Variants in GPHN observed in about 807,000 individuals in gnomAD.
GPHN encodes gephyrin.
A neutral mutation model predicts 95.5 loss-of-function variants in GPHN; 17 were observed. The ratio of observed to expected loss-of-function variants is 0.18; its 90% CI spans 0.12 to 0.27. GPHN has a LOEUF of 0.27. Ranked by LOEUF, GPHN falls within the 10% of genes least tolerant of loss-of-function variation. The pLI, the probability that GPHN is intolerant of heterozygous loss-of-function variation, is 1.00. For missense variants in GPHN, 660 were observed against 978.1 expected (o/e 0.67, Z 4.34); for synonymous variants, 320 against 322.5 (o/e 0.99, Z 0.08).
chr14:66,531,446 A>G (rs1242157320), intron 1 of GPHN, among the ~76,000 whole-genome samples: 2 of 152,156 alleles, frequency 1.3e-5, no homozygotes, highest in African/African-American at 2.4e-5. Flanking sequence ...AAAACAAACA[A>G]ACAAAAAAAT....
chr14:67,513,608 C>T, the GPHN span, among the ~76,000 whole-genome samples: 4 of 152,184 alleles, frequency 2.6e-5, no homozygotes, highest in Admixed American at 1.3e-4. Flanking sequence ...TCAGCACACC[C>T]CTGAGCAAAG....
At chr14:66,851,726 A>AT (rs111666257) in intron 4 of GPHN, among the ~76,000 whole-genome samples, 11 of 151,716 alleles carry the variant, frequency 7.3e-5, no homozygotes, top group African/African-American at 2.2e-4. Flanking sequence ...AGGCATTTGG[A>AT]TTTTTTTTTC....
intron 13 of GPHN, among the ~76,000 whole-genome samples, chr14:67,108,609 T>C (rs374747151): frequency 1.3e-5 from 2 of 152,116 alleles, no homozygotes; most frequent in East Asian, 3.9e-4. Context: ...AGTAATAATA[T>C]TATGGAGAGA....
intron 2 of GPHN, among the ~76,000 whole-genome samples, chr14:66,761,862 G>A (rs534600531): frequency 4.6e-5 from 7 of 152,002 alleles, no homozygotes; most frequent in East Asian, 3.9e-4. Context: ...GGGTTTCACC[G>A]TGTTAGCCAG....
the GPHN span, chr14:67,383,529 A>C: frequency 1.3e-6 from 2 of 1,546,262 alleles, no homozygotes; most frequent in Non-Finnish European, 1.8e-6. Flanking sequence ...CAGTATTGAA[A>C]ACTTCAAAGC....
At chr14:66,696,514 G>T (rs1019648439) in intron 2 of GPHN, among the ~76,000 whole-genome samples, 1 of 152,146 alleles carries the variant, frequency 6.6e-6, no homozygotes, top group South Asian at 2.1e-4. Context: ...TAGAAATATC[G>T]AAAGACACTG....
chr14:67,329,528 G>A, the GPHN span, among the ~76,000 whole-genome samples: 1 of 152,154 alleles, frequency 6.6e-6, no homozygotes, highest in African/African-American at 2.4e-5. Context: ...AATAGGAGTG[G>A]TGAGAGAGGG....
the GPHN span, chr14:67,645,616 C>T: frequency 1.7e-5 from 27 of 1,603,954 alleles, no homozygotes; most frequent in African/African-American, 3.2e-4. Context: ...AGCAGAGGGC[C>T]TTCAAGATTA....
intron 11 of GPHN, among the ~76,000 whole-genome samples, chr14:67,083,136 C>G (rs1355247112): frequency 2.6e-5 from 4 of 152,132 alleles, no homozygotes; most frequent in African/African-American, 9.7e-5. Flanking sequence ...GCAATTCTTT[C>G]AAAAGCTTGA....
At chr14:66,835,142 CTCTTTTTT>C (rs1170470429) in intron 4 of GPHN, among the ~76,000 whole-genome samples, 1 of 151,222 alleles carries the variant, frequency 6.6e-6, no homozygotes, top group African/African-American at 2.4e-5. Context: ...TGATTCTTCT[CTCTTTTTT>C]TCTTTATTAG....
chr14:67,070,715 A>AATAT lies in GPHN; in HGVS notation c.1144+11940_1144+11943dup, dbSNP rs1555482658. Reference sequence around the variant, plus strand: ...ATCTCAAAAAAAAAAAAAAAAAAAAAATATATATATATATCCAATCAGCAT... The same window carrying AATAT: ...ATCTCAAAAAAAAAAAAAAAAAAAAAATATATATATATATATATCCAATCAGCAT... On this transcript the variant is annotated intron_variant, in intron 11 of 22. Transcript: ENST00000478722. Among the ~76,000 whole-genome samples, 296 of 80,654 alleles carry AATAT rather than the reference A, an allele frequency of 3.7e-3. 11 individuals carry two copies. Among genetic ancestry groups the AATAT allele is most frequent in the Non-Finnish European group, 4.2e-3 (223 of 53,524 alleles). 52.9% of individuals were successfully genotyped at this position (80,654 alleles called of 152,430 possible).
the GPHN span, chr14:67,691,290 A>T: frequency 7.3e-7 from 1 of 1,363,606 alleles, no homozygotes; most frequent in Non-Finnish European, 1.0e-6. Flanking sequence ...AGCCAAGGCT[A>T]TTACATCTTA....
the GPHN span, among the ~76,000 whole-genome samples, chr14:67,661,140 C>T: frequency 1.1e-3 from 162 of 152,088 alleles, no homozygotes; most frequent in African/African-American, 3.6e-3. Context: ...CATCTGCTCT[C>T]GGGTAGCAAA....
intron 3 of GPHN, among the ~76,000 whole-genome samples, chr14:66,779,508 G>T (rs2059528167): frequency 6.6e-6 from 1 of 152,078 alleles, no homozygotes; most frequent in Non-Finnish European, 1.5e-5. Context: ...ATATTGAATT[G>T]AAATTATGTA....
intron 1 of GPHN, among the ~76,000 whole-genome samples, chr14:66,560,391 T>G (rs1424762900): frequency 1.3e-5 from 2 of 152,194 alleles, no homozygotes; most frequent in East Asian, 3.8e-4. Context: ...GTTCTTCCAT[T>G]TGTTTGTATC....
chr14:67,579,336 C>T, the GPHN span: 6,636 of 1,462,698 alleles, frequency 4.5e-3, 344 homozygotes, highest in East Asian at 0.12. Context: ...GTGCTCTTTG[C>T]CCCGAGTCTT....
chr14:66,991,070 T>C (rs895328852), intron 9 of GPHN, among the ~76,000 whole-genome samples: 6 of 152,044 alleles, frequency 3.9e-5, no homozygotes, highest in Non-Finnish European at 8.8e-5. Flanking sequence ...ATACAATGTT[T>C]TGAATAATGT....
At chr14:66,880,667 A>C (rs2153534173) in intron 5 of GPHN, among the ~76,000 whole-genome samples, 1 of 152,086 alleles carries the variant, frequency 6.6e-6, no homozygotes, top group Admixed American at 6.6e-5. Flanking sequence ...TCATATTGTT[A>C]ATCTTTTAAT....
chr14:67,018,458 C>T (rs1156513515), intron 9 of GPHN, among the ~76,000 whole-genome samples: 1 of 152,018 alleles, frequency 6.6e-6, no homozygotes, highest in Non-Finnish European at 1.5e-5. Flanking sequence ...CAGATAAAGG[C>T]AACAGCTTGT....
Sources: gnomAD v4.1 joint callset for allele counts (sites outside exome capture counted in the v4.1 genomes callset) on GRCh38, gnomAD v4.1.1 for gene constraint, MANE v1.5 for transcripts, NCBI Gene and HGNC (gene_info 2026-07-23, HGNC 2026-07-21) for gene names.